ETV6: variants seen among roughly 807,000 people sequenced by gnomAD.
ETV6 encodes ETS variant transcription factor 6, also known as transcription factor ETV6.
Under a neutral mutation model 51.1 loss-of-function variants are expected in ETV6, and 16 were observed. The observed-to-expected ratio is 0.31, with a 90% confidence interval of 0.21 to 0.48. The LOEUF is 0.48. Ranked by LOEUF, ETV6 falls within the 20% of genes least tolerant of loss-of-function variation. ETV6 has a pLI of 0.99. For missense variants in ETV6, 458 were observed against 594.8 expected, an observed-to-expected ratio of 0.77 and a Z score of 2.39; for synonymous variants, 240 against 224.1, an observed-to-expected ratio of 1.07 and a Z score of -0.64.
At chr12:11,813,474 T>C (rs1176665361) in intron 2 of ETV6, among the ~76,000 whole-genome samples, 1 of 152,198 alleles carries the variant, frequency 6.6e-6, no homozygotes, top group Non-Finnish European at 1.5e-5. Context: ...ACTGACTTCT[T>C]TTCAGCTCAC....
At position 11,779,856 on chromosome 12, in the gene ETV6, G is replaced by T. The variant is rs1015186257; in HGVS notation, c.163+27277G>T. ...TTTACAGAGATAAAAAGTGTGAAGAGAATTGCTGAGAAGTAACCATTCATT... is the reference window on the plus strand; with the variant it reads ...TTTACAGAGATAAAAAGTGTGAAGATAATTGCTGAGAAGTAACCATTCATT... On this transcript the variant is annotated intron_variant, in intron 2 of 7. Transcript: ENST00000396373. 3.3e-5 allele frequency among the ~76,000 whole-genome samples: 5 copies of T among 152,210 alleles called. No homozygotes were observed. In the South Asian group the frequency reaches 6.2e-4, roughly 19 times the overall value.
intron 4 of ETV6, among the ~76,000 whole-genome samples, chr12:11,856,092 A>G (rs1204150443): frequency 6.6e-6 from 1 of 152,152 alleles, no homozygotes; most frequent in Non-Finnish European, 1.5e-5. Context: ...TCCTCCTCAC[A>G]GATCCTTCCT....
In ETV6 at chr12:11,840,175, C is replaced by G. The variant is rs182073719; in HGVS notation, c.328+871C>G. The stretch of plus-strand genomic sequence containing the variant: ...CCTAAAAAATACAAGCAGAGGTCTC[C>G]TCGGGCTCATCTGACTCAGAAAGCT... On this transcript the variant is annotated intron_variant, in intron 3 of 7. Coordinates refer to ENST00000396373, the MANE Select transcript of ETV6 (RefSeq NM_001987.5). Among the ~76,000 whole-genome samples, 96 of 152,266 alleles carry G rather than the reference C, an allele frequency of 6.3e-4. 1 individual carries two copies. The highest frequency in any genetic ancestry group is 6.0e-3 in the Admixed American group (92 of 15,304).
intron 4 of ETV6, among the ~76,000 whole-genome samples, chr12:11,854,175 C>T (rs1004901477): frequency 1.3e-5 from 2 of 152,036 alleles, no homozygotes; most frequent in African/African-American, 4.8e-5. Context: ...GAGTGTGCAA[C>T]TAGATCCCGC....
At position 11,701,262 on chromosome 12, in the gene ETV6, T is replaced by A. The variant is rs1864976711; in HGVS notation, c.33+51102T>A. Among the ~76,000 whole-genome samples the A allele has an allele frequency of 2.0e-5, 3 of 152,186 alleles. No individual in the cohort carries two copies. The South Asian group carries it at 6.2e-4, about 32-fold the overall frequency. ...TTTACATCGTCCCCAGCTGAAACTC[T>A]GTCCCCAGCAAACGCTGGCATGCCC... On this transcript the variant is annotated intron_variant, in intron 1 of 7. Coordinates refer to ENST00000396373, the MANE Select transcript of ETV6 (RefSeq NM_001987.5).
intron 4 of ETV6, among the ~76,000 whole-genome samples, chr12:11,868,840 A>G (rs1946829998): frequency 6.6e-6 from 1 of 152,180 alleles, no homozygotes; most frequent in African/African-American, 2.4e-5. Context: ...AAGATGGGGC[A>G]TGGAAGTTTG....
intron 2 of ETV6, among the ~76,000 whole-genome samples, chr12:11,828,943 C>T (rs2136449125): frequency 6.6e-6 from 1 of 152,186 alleles, no homozygotes; most frequent in African/African-American, 2.4e-5. Context: ...AATTTTGCTC[C>T]TGGGGCAAAT....
At chr12:11,676,120 G>C (rs1380086630) in intron 1 of ETV6, among the ~76,000 whole-genome samples, 1 of 152,108 alleles carries the variant, frequency 6.6e-6, no homozygotes, top group Non-Finnish European at 1.5e-5. Flanking sequence ...GTTTGGAATG[G>C]GCCCTGCCTG....
intron 2 of ETV6, among the ~76,000 whole-genome samples, chr12:11,808,575 G>A (rs1945865773): frequency 6.6e-6 from 1 of 152,108 alleles, no homozygotes; most frequent in Non-Finnish European, 1.5e-5. Context: ...ATATACAGGA[G>A]GATGCACATA....
chr12:11,878,366 A>G (rs1591744002), intron 5 of ETV6, among the ~76,000 whole-genome samples: 1 of 152,182 alleles, frequency 6.6e-6, no homozygotes, highest in Non-Finnish European at 1.5e-5. Context: ...AGTTTGTGTA[A>G]GGGCGCACAG....
intron 1 of ETV6, among the ~76,000 whole-genome samples, chr12:11,711,533 C>T (rs1285290154): frequency 1.3e-5 from 2 of 152,166 alleles, no homozygotes; most frequent in Non-Finnish European, 2.9e-5. Flanking sequence ...ACATAGATAC[C>T]AGTATATAGA....
chr12:11,842,221 G>A (rs894179926), intron 3 of ETV6, among the ~76,000 whole-genome samples: 2 of 152,108 alleles, frequency 1.3e-5, no homozygotes, highest in African/African-American at 4.8e-5. Flanking sequence ...CGGCTTGTCT[G>A]ATTGCCTCCT....
chr12:11,731,504 A>G (rs550820145), intron 1 of ETV6, among the ~76,000 whole-genome samples: 1 of 152,322 alleles, frequency 6.6e-6, no homozygotes, highest in African/African-American at 2.4e-5. Flanking sequence ...GGAGGTTTGA[A>G]ATTTCCCACT....
At chr12:11,779,683 C>A (rs1285053793) in intron 2 of ETV6, among the ~76,000 whole-genome samples, 1 of 152,084 alleles carries the variant, frequency 6.6e-6, no homozygotes, top group African/African-American at 2.4e-5. Flanking sequence ...CTGAAATAAC[C>A]TTTGGTGCTT....
At chr12:11,799,361 T>G (rs1464143510) in intron 2 of ETV6, among the ~76,000 whole-genome samples, 3 of 152,212 alleles carry the variant, frequency 2.0e-5, no homozygotes, top group Admixed American at 2.0e-4. Context: ...TCCATGTGCA[T>G]TCCCCAGTCC....
At chr12:11,781,311 G>C (rs1054629405) in intron 2 of ETV6, among the ~76,000 whole-genome samples, 4 of 152,178 alleles carry the variant, frequency 2.6e-5, no homozygotes, top group African/African-American at 4.8e-5. Flanking sequence ...TGTGTATTCA[G>C]TGGGAAGTAC....
In ETV6 at chr12:11,854,610, T is replaced by G. The variant is rs115202901; in HGVS notation, c.463+1049T>G. ...ATAGAATAAAATAAATAAACCCTTC[T>G]GAGCCATCACCCTTGCCTTCACAAT... On this transcript the variant is annotated intron_variant, in intron 4 of 7. Transcript: ENST00000396373. Among the ~76,000 whole-genome samples the G allele has an allele frequency of 2.5e-3, 386 of 152,346 alleles. 1 individual carries two copies. Among genetic ancestry groups the G allele is most frequent in the African/African-American group, 8.8e-3 (366 of 41,586 alleles).
intron 2 of ETV6, among the ~76,000 whole-genome samples, chr12:11,821,100 C>T (rs1237483407): frequency 1.3e-5 from 2 of 152,078 alleles, no homozygotes; most frequent in Admixed American, 6.5e-5. Flanking sequence ...CGGTGGCTCA[C>T]GCCTGTAATC....
At position 11,893,023 on chromosome 12, in the gene ETV6, T is replaced by C. The variant is rs72550773; in HGVS notation, c.*1977T>C. ...CTTCCGGGAGGTCAGGGACCTTCTA[T>C]ATGAGGCGAGTGGGTCTCAGTCTGC... On this transcript the variant is annotated 3_prime_UTR_variant, in exon 8 of 8. Transcript: ENST00000396373. 2.8e-3 allele frequency: 650 copies of C among 232,886 alleles called. 7 individuals are homozygous for C. The highest frequency in any genetic ancestry group is 0.013 in the African/African-American group (604 of 45,430). 14.4% of individuals were successfully genotyped at this position (232,886 alleles called of 1,614,324 possible).
Sources: allele counts gnomAD v4.1 joint callset (sites outside exome capture counted in the v4.1 genomes callset), GRCh38; gene constraint gnomAD v4.1.1; transcripts MANE v1.5; gene names NCBI Gene and HGNC (gene_info 2026-07-23, HGNC 2026-07-21).